KCNJ6: variants seen among roughly 807,000 people sequenced by gnomAD.
KCNJ6 encodes the protein potassium inwardly rectifying channel subfamily J member 6.
A neutral mutation model predicts 34.2 loss-of-function variants in KCNJ6; 9 were observed. The observed-to-expected ratio is 0.26, with a 90% CI of 0.16 to 0.46. KCNJ6 has a LOEUF of 0.46. KCNJ6 is among the 20% of genes least tolerant of loss of function. KCNJ6 has a pLI of 1.00. For missense variants in KCNJ6, 236 were observed against 531.3 expected (o/e 0.44, Z 5.46); for synonymous variants, 196 against 207.1 (o/e 0.95, Z 0.46).
chr21:37,888,648 A>G (rs928528545), intron 1 of KCNJ6, among the ~76,000 whole-genome samples: 3 of 152,250 alleles, frequency 2.0e-5, no homozygotes, highest in African/African-American at 4.8e-5. Context: ...ATGCCCAGCC[A>G]TCTCCGTGAA....
intron 1 of KCNJ6, among the ~76,000 whole-genome samples, chr21:37,856,022 G>A (rs74564365): frequency 2.0e-5 from 3 of 152,154 alleles, no homozygotes; most frequent in South Asian, 2.1e-4. Context: ...CTCAAGGCAA[G>A]AATTCTTTCC....
At chr21:37,777,117 T>C (rs2055146287) in intron 2 of KCNJ6, among the ~76,000 whole-genome samples, 1 of 152,326 alleles carries the variant, frequency 6.6e-6, no homozygotes, top group East Asian at 1.9e-4. Context: ...TTCTTCTAGA[T>C]TTTCTAGTTT....
chr21:37,870,195 A>G (rs111847674), intron 1 of KCNJ6, among the ~76,000 whole-genome samples: 3,491 of 151,794 alleles, frequency 0.023, 145 homozygotes, highest in African/African-American at 0.079. Flanking sequence ...CATGCAATCC[A>G]TGGAGGATTT....
intron 2 of KCNJ6, among the ~76,000 whole-genome samples, chr21:37,802,483 G>A (rs1156599593): frequency 1.3e-5 from 2 of 152,190 alleles, no homozygotes; most frequent in East Asian, 1.9e-4. Flanking sequence ...AAAGGGTGAT[G>A]TGATGATGGA....
At chr21:37,690,287 T>C (rs2054633810) in intron 3 of KCNJ6, among the ~76,000 whole-genome samples, 1 of 152,208 alleles carries the variant, frequency 6.6e-6, no homozygotes, top group African/African-American at 2.4e-5. Context: ...ACAATAACGA[T>C]TCCTCCTTGA....
In KCNJ6 at chr21:37,828,626, G is replaced by A. The variant is rs547457537; in HGVS notation, c.25+12032C>T. ...CCAAGCAGGTGTTTGCATCAGTCCC[G>A]GTCCGGGAGAGGCCCATGGCTCTGC... On this transcript the variant is annotated intron_variant, in intron 2 of 3. Transcript: ENST00000609713. Among the ~76,000 whole-genome samples, 13 of 152,338 alleles carry A rather than the reference G, an allele frequency of 8.5e-5. No individual in the cohort carries two copies. The East Asian group carries it at 1.5e-3, about 18-fold the overall frequency.
At chr21:37,783,249 A>G (rs533584247) in intron 2 of KCNJ6, among the ~76,000 whole-genome samples, 98 of 152,222 alleles carry the variant, frequency 6.4e-4, no homozygotes, top group African/African-American at 2.1e-3. Context: ...CATCAGCAAA[A>G]TATCTGTGTG....
At chr21:37,808,154 G>A (rs1027063342) in intron 2 of KCNJ6, among the ~76,000 whole-genome samples, 1 of 152,204 alleles carries the variant, frequency 6.6e-6, no homozygotes, top group African/African-American at 2.4e-5. Context: ...CAACCTGCTA[G>A]TGTGATAACC....
chr21:37,901,369 C>T (rs760327046), intron 1 of KCNJ6, among the ~76,000 whole-genome samples: 13 of 143,112 alleles, frequency 9.1e-5, no homozygotes, highest in Non-Finnish European at 1.5e-4. Context: ...GCATTTCTAT[C>T]GGTGAAATTT....
At chr21:37,733,985 G>C (rs1055215607) in intron 2 of KCNJ6, among the ~76,000 whole-genome samples, 8 of 152,224 alleles carry the variant, frequency 5.3e-5, no homozygotes, top group African/African-American at 1.9e-4. Flanking sequence ...CAGGCCACCA[G>C]TTTCCATTTA....
At chr21:37,684,381 G>A (rs183351673) in intron 3 of KCNJ6, among the ~76,000 whole-genome samples, 8 of 151,672 alleles carry the variant, frequency 5.3e-5, no homozygotes, top group South Asian at 2.1e-4. Context: ...CAGCCACATC[G>A]GACTATGGTC....
chr21:37,856,042 A>G (rs2055563559), intron 1 of KCNJ6, among the ~76,000 whole-genome samples: 1 of 152,082 alleles, frequency 6.6e-6, no homozygotes, highest in South Asian at 2.1e-4. Context: ...CCAAGGCTTT[A>G]TCCTCCCTGG....
chr21:37,671,773 G>T (rs756720207), intron 3 of KCNJ6, among the ~76,000 whole-genome samples: 4 of 152,234 alleles, frequency 2.6e-5, no homozygotes, highest in Non-Finnish European at 5.9e-5. Context: ...ACTGGTTGTT[G>T]TTGGAGAAAC....
At chr21:37,882,097 T>C (rs931414427) in intron 1 of KCNJ6, among the ~76,000 whole-genome samples, 2 of 152,162 alleles carry the variant, frequency 1.3e-5, no homozygotes, top group African/African-American at 2.4e-5. Flanking sequence ...GAGGTGAGAA[T>C]TCAGTTAGAA....
At chr21:37,818,808 A>G (rs1474872173) in intron 2 of KCNJ6, among the ~76,000 whole-genome samples, 3 of 152,214 alleles carry the variant, frequency 2.0e-5, no homozygotes, top group African/African-American at 4.8e-5. Flanking sequence ...GAGGATGGAT[A>G]TTAAGGTTCT....
At chr21:37,677,515 C>T (rs3827195) in intron 3 of KCNJ6, among the ~76,000 whole-genome samples, 48,299 of 151,792 alleles carry the variant, frequency 0.32, 7,803 homozygotes, top group African/African-American at 0.32. Context: ...CTTTCTTCTT[C>T]CTCCCTTTTT....
intron 2 of KCNJ6, among the ~76,000 whole-genome samples, chr21:37,812,329 T>C (rs1480578208): frequency 6.6e-6 from 1 of 152,152 alleles, no homozygotes; most frequent in East Asian, 1.9e-4. Context: ...TCTTGAATCC[T>C]AGAGAGTCCC....
rs1301448592 is a variant in KCNJ6, at chr21:37,610,289, A to C, written c.*14870T>G. 2.6e-5 allele frequency: 4 copies of C among 152,200 alleles called. No homozygotes were observed. Among genetic ancestry groups the C allele is most frequent in the African/African-American group, 9.7e-5 (4 of 41,448 alleles). 9.4% of individuals were successfully genotyped at this position (152,200 alleles called of 1,614,324 possible). On this transcript the variant is annotated 3_prime_UTR_variant, in exon 4 of 4. Transcript: ENST00000609713. ...CTACAGCAGATTAGTCTTTTTGCTTAAGCTTGCATGGAATGTTCATCAAGT... is the reference window on the plus strand; with the variant it reads ...CTACAGCAGATTAGTCTTTTTGCTTCAGCTTGCATGGAATGTTCATCAAGT...
At chr21:37,766,046 A>G (rs1033666552) in intron 2 of KCNJ6, among the ~76,000 whole-genome samples, 1 of 152,212 alleles carries the variant, frequency 6.6e-6, no homozygotes, top group Admixed American at 6.5e-5. Flanking sequence ...GTTGATAAAC[A>G]TTTACCAGCA....
Sources: gnomAD v4.1 joint callset for allele counts (sites outside exome capture counted in the v4.1 genomes callset) on GRCh38, gnomAD v4.1.1 for gene constraint, MANE v1.5 for transcripts, NCBI Gene and HGNC (gene_info 2026-07-23, HGNC 2026-07-21) for gene names.